Variants in MTCL2 observed in about 807,000 individuals in gnomAD.
MTCL2 encodes the protein microtubule crosslinking factor 2, also known as microtubule cross-linking factor 2.
chr20:36,861,565 G>GC, the MTCL2 span, among the ~76,000 whole-genome samples: 67,042 of 152,018 alleles, frequency 0.44, 15,719 homozygotes, highest in Middle Eastern at 0.65. Context: ...CCTAAGTGCT[G>GC]AGGGCAGACA....
the MTCL2 span, among the ~76,000 whole-genome samples, chr20:36,807,124 C>T: frequency 3.3e-5 from 5 of 152,272 alleles, no homozygotes; most frequent in Non-Finnish European, 7.4e-5. Context: ...TCAGGCACTG[C>T]AGGGCCAGGG....
chr20:36,843,280 G>C, the MTCL2 span, among the ~76,000 whole-genome samples: 1 of 152,228 alleles, frequency 6.6e-6, no homozygotes, highest in African/African-American at 2.4e-5. Flanking sequence ...GTACGACTGG[G>C]GTTGCCAGCG....
At chr20:36,793,438 C>G in the MTCL2 span, 10 of 1,551,108 alleles carry the variant, frequency 6.4e-6, no homozygotes, top group Middle Eastern at 1.2e-3. The surrounding 1 kb of genome is among the most constrained non-coding windows in gnomAD (Gnocchi z 6.8). Context: ...TGGTGCCCTC[C>G]TCTCCTGCTG....
the MTCL2 span, chr20:36,781,039 T>C: frequency 6.6e-6 from 1 of 152,242 alleles, no homozygotes; most frequent in Non-Finnish European, 1.5e-5. Context: ...TTATGGGAAT[T>C]ACACCAGTTA....
At chr20:36,807,599 G>A in the MTCL2 span, among the ~76,000 whole-genome samples, 3 of 152,278 alleles carry the variant, frequency 2.0e-5, no homozygotes, top group Non-Finnish European at 4.4e-5. Context: ...TGCATAGACT[G>A]GGGCATGAAT....
chr20:36,780,181 A>G, the MTCL2 span: 11 of 152,136 alleles, frequency 7.2e-5, no homozygotes, highest in Admixed American at 3.3e-4. Flanking sequence ...CCTCATCTCA[A>G]AAAATGAGGG....
chr20:36,825,291 C>A, the MTCL2 span, among the ~76,000 whole-genome samples: 2 of 152,152 alleles, frequency 1.3e-5, no homozygotes, highest in Non-Finnish European at 2.9e-5. Flanking sequence ...GGAATTAAAT[C>A]ATGATTTTAA....
the MTCL2 span, chr20:36,794,687 G>A: frequency 7.2e-5 from 112 of 1,551,918 alleles, no homozygotes; most frequent in Admixed American, 1.8e-3. The surrounding 1 kb of genome is among the most constrained non-coding windows in gnomAD (Gnocchi z 5.4). Context: ...CGTGTGCTGC[G>A]TGAGGGCAAA....
At chr20:36,792,137 G>C in the MTCL2 span, among the ~76,000 whole-genome samples, 1 of 152,160 alleles carries the variant, frequency 6.6e-6, no homozygotes, top group South Asian at 2.1e-4. Flanking sequence ...GAGGAGCCCC[G>C]ATTTGTAGTG....
At chr20:36,806,091 G>T in the MTCL2 span, 7 of 642,364 alleles carry the variant, frequency 1.1e-5, no homozygotes, top group East Asian at 1.7e-4. Context: ...CATCTATTCT[G>T]CCCCAAAGAC....
chr20:36,800,998 A>G, the MTCL2 span, among the ~76,000 whole-genome samples: 1,189 of 152,322 alleles, frequency 7.8e-3, 8 homozygotes, highest in Non-Finnish European at 0.011. Flanking sequence ...ATGCGTGTGC[A>G]GAAATATATG....
chr20:36,822,363 G>T, the MTCL2 span, among the ~76,000 whole-genome samples: 1 of 152,260 alleles, frequency 6.6e-6, no homozygotes, highest in Non-Finnish European at 1.5e-5. Context: ...CAAGGCCTGG[G>T]GACATGCCCA....
At chr20:36,821,277 T>A in the MTCL2 span, among the ~76,000 whole-genome samples, 4 of 152,212 alleles carry the variant, frequency 2.6e-5, no homozygotes, top group African/African-American at 9.7e-5. Context: ...ATCCCAGCAC[T>A]TTGGGAGGCC....
the MTCL2 span, among the ~76,000 whole-genome samples, chr20:36,848,652 C>G: frequency 6.6e-6 from 1 of 152,192 alleles, no homozygotes; most frequent in African/African-American, 2.4e-5. Flanking sequence ...CACACGCAAA[C>G]AGGCAGGGGG....
chr20:36,804,310 C>T, the MTCL2 span, among the ~76,000 whole-genome samples: 1 of 152,164 alleles, frequency 6.6e-6, no homozygotes, highest in Non-Finnish European at 1.5e-5. Context: ...ACAGCAGACA[C>T]CAAACCCCCA....
chr20:36,792,537 A>AC, the MTCL2 span, among the ~76,000 whole-genome samples: 2 of 151,336 alleles, frequency 1.3e-5, no homozygotes, highest in African/African-American at 2.4e-5. Flanking sequence ...AAAAAAAAAA[A>AC]CCCACAGAGA....
chr20:36,834,857 C>T, the MTCL2 span, among the ~76,000 whole-genome samples: 1 of 152,022 alleles, frequency 6.6e-6, no homozygotes, highest in South Asian at 2.1e-4. Flanking sequence ...CGAAAATTAG[C>T]TGGACATGGT....
At chr20:36,848,636 C>G in the MTCL2 span, among the ~76,000 whole-genome samples, 16 of 152,216 alleles carry the variant, frequency 1.1e-4, no homozygotes, top group African/African-American at 3.9e-4. Flanking sequence ...GTGGGTGGTG[C>G]CCAAGCACAC....
chr20:36,819,577 G>A, the MTCL2 span, among the ~76,000 whole-genome samples: 1 of 146,630 alleles, frequency 6.8e-6, no homozygotes, highest in African/African-American at 2.6e-5. Flanking sequence ...AGCCAGCACA[G>A]TGGTTCTCAA....
Sources: allele counts gnomAD v4.1 joint callset (sites outside exome capture counted in the v4.1 genomes callset), GRCh38; gene constraint gnomAD v4.1.1; non-coding constraint Gnocchi (gnomAD v3.1); transcripts MANE v1.5; gene names NCBI Gene and HGNC (gene_info 2026-07-23, HGNC 2026-07-21).